Variants in MLLT3 observed in about 807,000 individuals in gnomAD.
The protein encoded by MLLT3 is protein AF-9.
In MLLT3, 4 loss-of-function variants were observed where a neutral mutation model predicts 53.2. The observed-to-expected ratio is 0.08, with a 90% CI of 0.04 to 0.17. The LOEUF (loss-of-function observed/expected upper bound fraction) is 0.17, where lower values mean the gene tolerates loss of function less well. MLLT3 is among the 10% of genes least tolerant of loss of function. The pLI is 1.00. For synonymous variants in MLLT3, 283 were observed against 230.6 expected (o/e 1.23, Z -2.06); for missense variants, 569 against 684.0 (o/e 0.83, Z 1.87).
chr9:20,390,382 T>C (rs1315219516), intron 5 of MLLT3, among the ~76,000 whole-genome samples: 1 of 152,174 alleles, frequency 6.6e-6, no homozygotes, highest in Non-Finnish European at 1.5e-5. Flanking sequence ...TGAAGATGGA[T>C]CTACAATTGT....
intron 2 of MLLT3, among the ~76,000 whole-genome samples, chr9:20,498,569 T>A (rs1183855081): frequency 6.6e-6 from 1 of 152,198 alleles, no homozygotes; most frequent in Non-Finnish European, 1.5e-5. Context: ...CAGCCCAAGA[T>A]GGCTTTCAAT....
rs573311905 is a variant in MLLT3, at chr9:20,607,589, G to A, written c.193+13065C>T. Among the ~76,000 whole-genome samples, 24 of 152,086 alleles carry A rather than the reference G, an allele frequency of 1.6e-4. No individual in the cohort carries two copies. In the South Asian group the frequency reaches 2.7e-3, roughly 17 times the overall value. ...AAATACCCAGATCATAAACATCATT[G>A]TTTATATTTCACAAACATTCTAAGG... On this transcript the variant is annotated intron_variant, in intron 2 of 10. Coordinates refer to ENST00000380338, the MANE Select transcript of MLLT3 (RefSeq NM_004529.4).
intron 2 of MLLT3, among the ~76,000 whole-genome samples, chr9:20,526,250 G>C (rs1329264998): frequency 6.6e-6 from 1 of 152,118 alleles, no homozygotes; most frequent in African/African-American, 2.4e-5. Flanking sequence ...TATACAGTTT[G>C]ATGAAGTTAA....
intron 2 of MLLT3, among the ~76,000 whole-genome samples, chr9:20,486,542 G>GA (rs998389645): frequency 6.6e-6 from 1 of 152,028 alleles, no homozygotes; most frequent in African/African-American, 2.4e-5. Flanking sequence ...CAAACCTCCA[G>GA]AAAAAAGCAG....
At chr9:20,609,968 A>G (rs1563842547) in intron 2 of MLLT3, among the ~76,000 whole-genome samples, 1 of 152,168 alleles carries the variant, frequency 6.6e-6, no homozygotes, top group East Asian at 1.9e-4. Flanking sequence ...GATAACCAAT[A>G]TAGCTATTTA....
chr9:20,464,980 C>G (rs1040303408), intron 2 of MLLT3, among the ~76,000 whole-genome samples: 1 of 152,144 alleles, frequency 6.6e-6, no homozygotes, highest in South Asian at 2.1e-4. Context: ...TATAATGACT[C>G]TACATTATAA....
chr9:20,598,724 T>C lies in MLLT3; in HGVS notation c.193+21930A>G, dbSNP rs1005560212. Among the ~76,000 whole-genome samples, 3 of 152,240 alleles carry C rather than the reference T, an allele frequency of 2.0e-5. No individual in the cohort carries two copies. The East Asian group carries it at 5.8e-4, about 29-fold the overall frequency. ...CTGATAGACAGTACACTTCTAAAAC[T>C]ACCTTTATGAAGTGCTGAGCTATTT... On this transcript the variant is annotated intron_variant, in intron 2 of 10. Coordinates refer to ENST00000380338, the MANE Select transcript of MLLT3 (RefSeq NM_004529.4).
intron 2 of MLLT3, among the ~76,000 whole-genome samples, chr9:20,535,687 C>A (rs1271784523): frequency 1.3e-5 from 2 of 152,156 alleles, no homozygotes; most frequent in African/African-American, 4.8e-5. Context: ...CAGCCCTGAA[C>A]CAGCAGGGTC....
chr9:20,546,279 C>T (rs937845492), intron 2 of MLLT3, among the ~76,000 whole-genome samples: 2 of 152,032 alleles, frequency 1.3e-5, no homozygotes, highest in Non-Finnish European at 2.9e-5. Flanking sequence ...TTTCCCATTG[C>T]CACTTAAAAA....
chr9:20,353,382 C>G lies in MLLT3; in HGVS notation c.1575+143G>C, dbSNP rs562542799. The stretch of plus-strand genomic sequence containing the variant: ...TCTAGGTGGCCTCAGAAATGAGAAC[C>G]TTTCCCAAATACATCTACAGGTGGC... On this transcript the variant is annotated intron_variant, in intron 10 of 10. Coordinates refer to ENST00000380338, the MANE Select transcript of MLLT3 (RefSeq NM_004529.4). 2.8e-5 allele frequency: 20 copies of G among 711,592 alleles called. No homozygotes were observed. In the African/African-American group the frequency reaches 3.5e-4, roughly 13 times the overall value. 44.1% of individuals were successfully genotyped at this position (711,592 alleles called of 1,614,324 possible).
At chr9:20,455,454 C>G (rs868787333) in intron 3 of MLLT3, among the ~76,000 whole-genome samples, 1 of 152,210 alleles carries the variant, frequency 6.6e-6, no homozygotes, top group South Asian at 2.1e-4. Context: ...ATCAGAAGGA[C>G]TAGCAAATAT....
At chr9:20,456,881 C>G (rs1823983392) in intron 2 of MLLT3, 95 bp from the exon 3 acceptor site, 1 of 907,358 alleles carries the variant, frequency 1.1e-6, no homozygotes, top group Non-Finnish European at 1.7e-6. Context: ...CCATCTAGAT[C>G]ACACGCAATT....
intron 2 of MLLT3, among the ~76,000 whole-genome samples, chr9:20,588,141 G>T (rs1241790702): frequency 6.6e-6 from 1 of 151,932 alleles, no homozygotes; most frequent in East Asian, 1.9e-4. Flanking sequence ...TGTCAAAGAT[G>T]AGATAGTTGT....
At chr9:20,369,422 T>C (rs2118663504) in intron 5 of MLLT3, among the ~76,000 whole-genome samples, 1 of 152,296 alleles carries the variant, frequency 6.6e-6, no homozygotes, top group Non-Finnish European at 1.5e-5. Context: ...ATATATATCA[T>C]GAGAAAAATT....
chr9:20,436,535 T>C (rs902004325), intron 4 of MLLT3, among the ~76,000 whole-genome samples: 1 of 152,230 alleles, frequency 6.6e-6, no homozygotes, highest in Non-Finnish European at 1.5e-5. Context: ...CCATTGGTCC[T>C]AATGCAACTA....
At chr9:20,613,898 T>A (rs1820759477) in intron 2 of MLLT3, among the ~76,000 whole-genome samples, 1 of 152,128 alleles carries the variant, frequency 6.6e-6, no homozygotes. Flanking sequence ...AAATTTAACA[T>A]AAACAAATTA....
intron 2 of MLLT3, among the ~76,000 whole-genome samples, chr9:20,487,441 G>A (rs190978573): frequency 3.9e-5 from 6 of 151,982 alleles, no homozygotes; most frequent in South Asian, 2.1e-4. Flanking sequence ...ACCTGCCTCT[G>A]GAGAAGCTTA....
chr9:20,426,982 C>T (rs1054305421), intron 4 of MLLT3, among the ~76,000 whole-genome samples: 1 of 152,026 alleles, frequency 6.6e-6, no homozygotes, highest in Non-Finnish European at 1.5e-5. Flanking sequence ...CTCAGAGTCT[C>T]AACAGAAACC....
intron 4 of MLLT3, among the ~76,000 whole-genome samples, chr9:20,441,134 C>T (rs1475616843): frequency 6.6e-6 from 1 of 152,132 alleles, no homozygotes; most frequent in African/African-American, 2.4e-5. Flanking sequence ...TTTGAGCTTT[C>T]AGCAGAGTGG....
Sources: allele counts gnomAD v4.1 joint callset (sites outside exome capture counted in the v4.1 genomes callset), GRCh38; gene constraint gnomAD v4.1.1; transcripts MANE v1.5; gene names NCBI Gene and HGNC (gene_info 2026-07-23, HGNC 2026-07-21).